The following OLFM3 variants were observed in gnomAD, a reference collection of about 807,000 sequenced individuals.
OLFM3 encodes the protein olfactomedin 3.
In OLFM3, 20 loss-of-function variants were observed where a neutral mutation model predicts 48.6. The ratio of observed to expected loss-of-function variants is 0.41; its 90% CI spans 0.29 to 0.60. The LOEUF (loss-of-function observed/expected upper bound fraction) is 0.60. Ranked by LOEUF, OLFM3 falls within the 20% of genes least tolerant of loss-of-function variation. The probability of loss-of-function intolerance (pLI) is 0.28; values close to 1 mark genes in which losing one functional copy is unlikely to be tolerated. For missense variants in OLFM3, 437 were observed against 544.3 expected (o/e 0.80, Z 1.96); for synonymous variants, 222 against 198.1 (o/e 1.12, Z -1.01).
chr1:101,952,318 T>C (rs1191304747), intron 1 of OLFM3, among the ~76,000 whole-genome samples: 1 of 152,158 alleles, frequency 6.6e-6, no homozygotes, highest in Non-Finnish European at 1.5e-5. Flanking sequence ...AGTTTCCTAG[T>C]ACTGAATACA....
chr1:101,804,236 G>C lies in OLFM3; in HGVS notation c.*2C>G. Reference sequence around the variant, plus strand: ...AAATCAATGAAAACATGTCACATTTGCCTATGTGTCATCCTCTGTCTTGAT... The same window carrying C: ...AAATCAATGAAAACATGTCACATTTCCCTATGTGTCATCCTCTGTCTTGAT... On this transcript the variant is annotated 3_prime_UTR_variant, in exon 6 of 6. Coordinates refer to ENST00000370103, the MANE Select transcript of OLFM3 (RefSeq NM_058170.4). The surrounding 1 kb of genome is among the most constrained non-coding windows in gnomAD (Gnocchi z 4.5). The C allele has an allele frequency of 6.4e-7, 1 of 1,568,686 alleles. No homozygotes were observed.
At chr1:101,988,948 T>A (rs1446687305) in intron 1 of OLFM3, among the ~76,000 whole-genome samples, 3 of 152,104 alleles carry the variant, frequency 2.0e-5, no homozygotes, top group Admixed American at 6.5e-5. Context: ...TCAACTTTTG[T>A]TCATGAACAA....
In OLFM3 at chr1:101,860,552, G is replaced by A. The variant is rs138978720; in HGVS notation, c.70-23527C>T. Among the ~76,000 whole-genome samples the A allele has an allele frequency of 4.1e-4, 63 of 151,882 alleles. 1 individual carries two copies. The highest frequency in any genetic ancestry group is 1.2e-3 in the African/African-American group (50 of 41,390). ...CATATCATTGTCTTTTGAGGAGTCCGCCCCATAAATTTTCTCTTCAATCGT... is the reference window on the plus strand; with the variant it reads ...CATATCATTGTCTTTTGAGGAGTCCACCCCATAAATTTTCTCTTCAATCGT... On this transcript the variant is annotated intron_variant, in intron 1 of 5. Transcript: ENST00000370103.
chr1:101,967,163 A>C (rs1429055542), intron 1 of OLFM3, among the ~76,000 whole-genome samples: 1 of 152,128 alleles, frequency 6.6e-6, no homozygotes, highest in African/African-American at 2.4e-5. Flanking sequence ...TCAATATACT[A>C]TATCTATATT....
At chr1:101,821,260 T>C (rs1654594715) in intron 4 of OLFM3, among the ~76,000 whole-genome samples, 2 of 152,092 alleles carry the variant, frequency 1.3e-5, no homozygotes, top group Non-Finnish European at 2.9e-5. Flanking sequence ...TGAGTGTTAA[T>C]CAAACTATAA....
At chr1:101,922,750 A>G (rs982011987) in intron 1 of OLFM3, among the ~76,000 whole-genome samples, 1 of 152,196 alleles carries the variant, frequency 6.6e-6, no homozygotes, top group East Asian at 1.9e-4. Context: ...ATGTGTTGTT[A>G]ACCAGAATAT....
rs553097307 is a variant in OLFM3, at chr1:101,804,376, G to C, written c.1239C>G (p.Pro413=). 26 of 1,612,480 alleles carry C rather than the reference G, an allele frequency of 1.6e-5. No individual in the cohort carries two copies. Among genetic ancestry groups the C allele is most frequent in the Middle Eastern group, 1.7e-4 (1 of 6,042 alleles). The change falls in exon 6 of 6, where the codon CCC becomes CCG. Residue 413 remains proline, a synonymous_variant. Coordinates refer to ENST00000370103, the MANE Select transcript of OLFM3 (RefSeq NM_058170.4). This position sits in a 1 kb window ranked among gnomAD's most constrained non-coding sequence, Gnocchi z 4.5. ...ATATGTGAAAGTATTGGTTATGGAA[G>C]GGAATGTCTGTGTACTCATATGTGG... The part of the protein sequence containing the change: ...KTSTYEYTDI[P]FHNQYFHISM...
chr1:101,935,694 AT>A (rs578045007), intron 1 of OLFM3, among the ~76,000 whole-genome samples: 2 of 152,176 alleles, frequency 1.3e-5, no homozygotes, highest in African/African-American at 4.8e-5. Flanking sequence ...ACAGGGAAGT[AT>A]TTTTTATGAA....
chr1:101,900,445 A>T (rs12144932), intron 1 of OLFM3, among the ~76,000 whole-genome samples: 27,439 of 152,104 alleles, frequency 0.18, 3,148 homozygotes, highest in Non-Finnish European at 0.27. Context: ...AGCAATAGAG[A>T]TATCAATCTG....
chr1:101,893,288 C>A, intron 1 of OLFM3: 1 of 355,912 alleles, frequency 2.8e-6, no homozygotes, highest in Non-Finnish European at 5.6e-6. Flanking sequence ...TCATAATTGC[C>A]AAGGTATTGG....
intron 1 of OLFM3, among the ~76,000 whole-genome samples, chr1:101,945,375 A>G (rs7349118): frequency 0.4 from 60,645 of 151,604 alleles, 12,355 homozygotes; most frequent in East Asian, 0.51. Context: ...TGAATCTGAA[A>G]ATAATGCTGA....
intron 1 of OLFM3, among the ~76,000 whole-genome samples, chr1:101,891,371 T>C (rs1487502446): frequency 6.6e-6 from 1 of 151,932 alleles, no homozygotes; most frequent in Admixed American, 6.6e-5. Flanking sequence ...TGTCAAGTAT[T>C]CCAGATAAGG....
intron 1 of OLFM3, among the ~76,000 whole-genome samples, chr1:101,843,238 C>T (rs1655815918): frequency 6.6e-6 from 1 of 152,146 alleles, no homozygotes; most frequent in African/African-American, 2.4e-5. Context: ...AAATGACATG[C>T]CCACAGGTTC....
chr1:101,916,082 T>C (rs1658915495), intron 1 of OLFM3, among the ~76,000 whole-genome samples: 1 of 152,194 alleles, frequency 6.6e-6, no homozygotes, highest in South Asian at 2.1e-4. Flanking sequence ...AGATCAGGAA[T>C]CTTTGTAATT....
At chr1:101,993,282 A>C (rs908696687) in intron 1 of OLFM3, among the ~76,000 whole-genome samples, 1 of 152,164 alleles carries the variant, frequency 6.6e-6, no homozygotes, top group African/African-American at 2.4e-5. Flanking sequence ...TACAATGTTC[A>C]AATAATGGTC....
intron 1 of OLFM3, among the ~76,000 whole-genome samples, chr1:101,939,859 T>C (rs1429231257): frequency 6.6e-6 from 1 of 152,192 alleles, no homozygotes; most frequent in Non-Finnish European, 1.5e-5. Context: ...TAGGGTATTT[T>C]GAGTGATCAA....
chr1:101,979,050 T>C lies in OLFM3; in HGVS notation c.69+17698A>G, dbSNP rs572559922. Among the ~76,000 whole-genome samples, 5 of 152,308 alleles carry C rather than the reference T, an allele frequency of 3.3e-5. No homozygotes were observed. In the South Asian group the frequency reaches 1.0e-3, roughly 32 times the overall value. ...AATTTTATTTTTGGTCTTAGAATTTTTGGAAGGAACAAAAGTGAACCCTAT... is the reference window on the plus strand; with the variant it reads ...AATTTTATTTTTGGTCTTAGAATTTCTGGAAGGAACAAAAGTGAACCCTAT... On this transcript the variant is annotated intron_variant, in intron 1 of 5. Transcript: ENST00000370103.
intron 1 of OLFM3, among the ~76,000 whole-genome samples, chr1:101,979,208 T>TA (rs1388653184): frequency 6.6e-6 from 1 of 152,162 alleles, no homozygotes; most frequent in Non-Finnish European, 1.5e-5. Flanking sequence ...TGTTAAAACT[T>TA]ACAGTCCCAC....
chr1:101,902,550 G>C (rs1413045169), intron 1 of OLFM3, among the ~76,000 whole-genome samples: 1 of 151,920 alleles, frequency 6.6e-6, no homozygotes, highest in Non-Finnish European at 1.5e-5. Context: ...ATAATCAAGG[G>C]ACCAAAACTA....
Sources: allele counts gnomAD v4.1 joint callset (sites outside exome capture counted in the v4.1 genomes callset), GRCh38; gene constraint gnomAD v4.1.1; non-coding constraint Gnocchi (gnomAD v3.1); transcripts MANE v1.5; gene names NCBI Gene and HGNC (gene_info 2026-07-23, HGNC 2026-07-21).